DIO2: variants seen among roughly 807,000 people sequenced by gnomAD.
The protein encoded by DIO2 is type II iodothyronine deiodinase.
In DIO2, 19 loss-of-function variants were observed where a neutral mutation model predicts 21.4. That is an observed-to-expected ratio of 0.89 (90% CI 0.62 to 1.30). The LOEUF is 1.30. DIO2 is among the 50% of genes most tolerant of loss of function. The probability of loss-of-function intolerance (pLI) is 0.00; values close to 1 mark genes in which losing one functional copy is unlikely to be tolerated. For synonymous variants in DIO2, 122 were observed against 132.9 expected, an observed-to-expected ratio of 0.92 and a Z score of 0.57; for missense variants, 302 against 338.1, an observed-to-expected ratio of 0.89 and a Z score of 0.84.
At chr14:80,212,700 T>A (rs1888254935), upstream of DIO2, among the ~76,000 whole-genome samples, 2 of 152,180 alleles carry the variant, frequency 1.3e-5, no homozygotes, top group Admixed American at 1.3e-4. Context: ...TAAATTTTTT[T>A]GAGTCATTAT....
chr14:80,199,123 G>A lies in DIO2; in HGVS notation c.*3566C>T, dbSNP rs1192123132. Reference sequence around the variant, plus strand: ...TGAGGACACCTTGTAATCCACCTTTGAATTTTCCCGAAGGCATACATACTG... The same window carrying A: ...TGAGGACACCTTGTAATCCACCTTTAAATTTTCCCGAAGGCATACATACTG... On this transcript the variant is annotated 3_prime_UTR_variant, in exon 2 of 2. Transcript: ENST00000438257. 6.6e-6 allele frequency: 1 copy of A among 152,218 alleles called. No individual in the cohort carries two copies. The highest frequency in any genetic ancestry group is 1.5e-5 in the Non-Finnish European group (1 of 68,040). The allele number at this position is 152,218 out of a possible 1,614,324, so 9.4% of individuals were successfully genotyped here. A position where few individuals can be genotyped will look rare whatever the true frequency, so the allele number is the denominator to read the frequency against.
In DIO2 at chr14:80,198,908, G is replaced by A. The variant is rs1483388429; in HGVS notation, c.*3781C>T. The A allele has an allele frequency of 2.0e-5, 3 of 152,092 alleles. No homozygotes were observed. The highest frequency in any genetic ancestry group is 2.9e-5 in the Non-Finnish European group (2 of 68,032). 9.4% of individuals were successfully genotyped at this position (152,092 alleles called of 1,614,324 possible). On this transcript the variant is annotated 3_prime_UTR_variant, in exon 2 of 2. Coordinates refer to ENST00000438257, the MANE Select transcript of DIO2 (RefSeq NM_013989.5). ...GTTTTCATTAATCCTTCAGTGGGAC[G>A]GAAGTCAGAGTCTACATTTTTCCTT...
At chr14:80,211,609 C>A, upstream of DIO2, 1 of 646,174 alleles carries the variant, frequency 1.5e-6, no homozygotes, top group Non-Finnish European at 2.6e-6. Context: ...GGAAAAAAAA[C>A]TAAATTAAAA....
intron 1 of DIO2, 124 bp downstream of exon 1, chr14:80,211,127 C>CAAA: frequency 1.1e-6 from 1 of 904,830 alleles, no homozygotes; most frequent in African/African-American, 1.7e-5. Context: ...TAGAGGCTCA[C>CAAA]TTGGCAACCC....
intron 1 of DIO2, chr14:80,206,268 C>G: frequency 6.3e-7 from 1 of 1,582,020 alleles, no homozygotes; most frequent in Non-Finnish European, 8.6e-7. Flanking sequence ...CAGTAGTCTG[C>G]TTTTATAAGC....
chr14:80,224,674 T>C (rs1245842446), intron 2 of DIO2, among the ~76,000 whole-genome samples: 2 of 152,148 alleles, frequency 1.3e-5, no homozygotes, highest in Non-Finnish European at 2.9e-5. Context: ...TTTTTGATAA[T>C]CTGTTATAGC....
At chr14:80,207,656 A>G (rs892360388) in intron 1 of DIO2, among the ~76,000 whole-genome samples, 13 of 152,220 alleles carry the variant, frequency 8.5e-5, no homozygotes, top group African/African-American at 2.7e-4. Flanking sequence ...TGGCCAAACT[A>G]TCATTAAGAA....
intron 1 of DIO2, chr14:80,206,164 G>A: frequency 9.6e-7 from 1 of 1,041,486 alleles, no homozygotes; most frequent in East Asian, 2.7e-5. Flanking sequence ...AGGTGCCTAG[G>A]CAAGAGAAAA....
intron 1 of DIO2, among the ~76,000 whole-genome samples, chr14:80,208,211 T>G (rs1888025489): frequency 6.6e-6 from 1 of 152,132 alleles, no homozygotes; most frequent in Admixed American, 6.5e-5. Flanking sequence ...GAAACTTAAA[T>G]AACAAACACC....
At chr14:80,211,146 G>C (rs1888169406) in intron 1 of DIO2, 105 bp downstream of exon 1, 1 of 1,097,178 alleles carries the variant, frequency 9.1e-7, no homozygotes, top group Non-Finnish European at 1.3e-6. Context: ...CCCACAAATA[G>C]GGCTTCACAG....
Position 80,202,834 on chromosome 14 carries a change from G to A in DIO2, c.677C>T (p.Ala226Val). ...CTGCACAATGCACACACGTTCAAAGGCTACCCCGTAAGCTATGTTGGCGTT... is the reference window on the plus strand; with the variant it reads ...CTGCACAATGCACACACGTTCAAAGACTACCCCGTAAGCTATGTTGGCGTT... ...DNNANIAYGV[A>V]FERVCIVQRQ... Residue 226 changes from alanine to valine, a missense_variant, in exon 2 of 2, where the codon GCC (alanine) becomes GTC (valine). Transcript: ENST00000438257. 5 of 1,613,890 alleles carry A rather than the reference G, an allele frequency of 3.1e-6. No homozygotes were observed. The highest frequency in any genetic ancestry group is 4.2e-6 in the Non-Finnish European group (5 of 1,179,884).
intron 2 of DIO2, among the ~76,000 whole-genome samples, chr14:80,228,530 G>T (rs1888623333): frequency 6.6e-6 from 1 of 152,144 alleles, no homozygotes; most frequent in Non-Finnish European, 1.5e-5. Flanking sequence ...CCTTGATGGT[G>T]GCACTAATCT....
chr14:80,206,289 A>G lies in DIO2; in HGVS notation c.223-3001T>C, dbSNP rs745958711. The G allele has an allele frequency of 4.4e-6, 7 of 1,579,508 alleles. No individual in the cohort carries two copies. In the Admixed American group the frequency reaches 1.1e-4, roughly 24 times the overall value. ...TCTGCTTTTATAAGCTTCATATACT[A>G]GTCATAAAATGTGTCCATCTTTGCT... On this transcript the variant is annotated intron_variant, in intron 1 of 1. Coordinates refer to ENST00000438257, the MANE Select transcript of DIO2 (RefSeq NM_013989.5).
rs149864798 is a variant in DIO2 at position 80,226,243 on chromosome 14, C to T, written c.-277-9506G>A. On this transcript the variant is annotated intron_variant, in intron 2 of 4. Coordinates refer to the DIO2 transcript ENST00000553594. ...TATCGTAATTGTGACTTCAAAAGGC[C>T]GTTCCACCATTCTATCAATCCAGCT... 4.7e-4 allele frequency among the ~76,000 whole-genome samples: 72 copies of T among 152,260 alleles called. No individual in the cohort carries two copies. In the East Asian group the frequency reaches 0.011, roughly 23 times the overall value.
At chr14:80,229,026 C>A (rs925990414) in intron 2 of DIO2, among the ~76,000 whole-genome samples, 1 of 152,118 alleles carries the variant, frequency 6.6e-6, no homozygotes, top group East Asian at 1.9e-4. Flanking sequence ...GGGTCCTAAC[C>A]TCAAGGGGAC....
At position 80,202,772 on chromosome 14, in the gene DIO2, A is replaced by G; in HGVS notation, c.739T>C (p.Phe247Leu). 6.2e-7 allele frequency: 1 copy of G among 1,613,970 alleles called. No individual in the cohort carries two copies. The highest frequency in any genetic ancestry group is 1.6e-4 in the Middle Eastern group (1 of 6,062). Residue 247 changes from phenylalanine to leucine, a missense_variant, in exon 2 of 2, where the codon TTC becomes CTC. Phe to Leu is a conservative substitution (Grantham distance 22). Coordinates refer to ENST00000438257, the MANE Select transcript of DIO2 (RefSeq NM_013989.5). Reference sequence around the variant, plus strand: ...CGGACTTCTTGAAGGTTGTAGGAGAAGGGGCCCTTTCCTCCCAGATAAGCA... The same window carrying G: ...CGGACTTCTTGAAGGTTGTAGGAGAGGGGGCCCTTTCCTCCCAGATAAGCA... The part of the protein sequence containing the change: ...KIAYLGGKGP[F>L]SYNLQEVRHW...
chr14:80,222,102 T>A (rs1888476744), intron 2 of DIO2, among the ~76,000 whole-genome samples: 1 of 152,204 alleles, frequency 6.6e-6, no homozygotes, highest in African/African-American at 2.4e-5. Context: ...GGTATAAAAT[T>A]TTACCTGATG....
At chr14:80,221,943 C>G (rs1888474239) in intron 2 of DIO2, among the ~76,000 whole-genome samples, 1 of 152,038 alleles carries the variant, frequency 6.6e-6, no homozygotes, top group Non-Finnish European at 1.5e-5. Flanking sequence ...CAGAACAATC[C>G]CAAGCCCAGA....
chr14:80,218,226 T>TAAAC (rs773287775), intron 2 of DIO2, among the ~76,000 whole-genome samples: 2 of 145,704 alleles, frequency 1.4e-5, no homozygotes, highest in Admixed American at 6.7e-5. Context: ...CACACACACA[T>TAAAC]AAACAAACAA....
Sources: gnomAD v4.1 joint callset for allele counts (sites outside exome capture counted in the v4.1 genomes callset) on GRCh38, gnomAD v4.1.1 for gene constraint, MANE v1.5 for transcripts, NCBI Gene and HGNC (gene_info 2026-07-23, HGNC 2026-07-21) for gene names.